The following HNMT variants were observed in gnomAD, a reference collection of about 807,000 sequenced individuals.
The protein encoded by HNMT is histamine N-methyltransferase.
Under a neutral mutation model 32.1 loss-of-function variants are expected in HNMT, and 30 were observed. That is an observed-to-expected ratio of 0.93 (90% confidence interval 0.70 to 1.27). The LOEUF (loss-of-function observed/expected upper bound fraction) is 1.27. Ranked by LOEUF, HNMT falls within the 50% of genes most tolerant of loss-of-function variation. The pLI, the probability that HNMT is intolerant of heterozygous loss-of-function variation, is 0.00. For synonymous variants in HNMT, 125 were observed against 119.0 expected (o/e 1.05, Z -0.33); for missense variants, 327 against 346.0 (o/e 0.95, Z 0.43).
chr2:137,964,779 G>A (rs1351975375), intron 1 of HNMT, 151 bp downstream of exon 1: 1 of 715,560 alleles, frequency 1.4e-6, no homozygotes, highest in Non-Finnish European at 2.4e-6. Flanking sequence ...TCGCTGCCCT[G>A]CCCTGCCTTT....
intron 1 of HNMT, among the ~76,000 whole-genome samples, chr2:137,965,928 A>G (rs1335316810): frequency 6.6e-6 from 1 of 152,236 alleles, no homozygotes; most frequent in Admixed American, 6.5e-5. Context: ...CTAACTGGAA[A>G]TATTATAAAA....
intron 2 of HNMT, chr2:137,988,547 C>T (rs940621764): frequency 1.6e-5 from 2 of 124,988 alleles, no homozygotes; most frequent in African/African-American, 6.0e-5. Flanking sequence ...ACTATTGACC[C>T]CCCTTTTTTT....
At position 138,014,163 on chromosome 2, in the gene HNMT, A is replaced by C. The variant is rs1681596082; in HGVS notation, c.*33A>C. The C allele has an allele frequency of 7.9e-7, 1 of 1,273,088 alleles. No individual in the cohort carries two copies. The highest frequency in any genetic ancestry group is 1.1e-6 in the Non-Finnish European group (1 of 910,262). The allele number at this position is 1,273,088 out of a possible 1,614,324, so 78.9% of individuals were successfully genotyped here. A position where few individuals can be genotyped will look rare whatever the true frequency, so the allele number is the denominator to read the frequency against. ...TCACAAAAGTATATTCAAAAATTAT[A>C]TTTTGAACAACTCGAATCACTCATT... On this transcript the variant is annotated 3_prime_UTR_variant, in exon 6 of 6. Coordinates refer to ENST00000280097, the MANE Select transcript of HNMT (RefSeq NM_006895.3).
chr2:137,977,820 G>A (rs1488734265), intron 2 of HNMT, among the ~76,000 whole-genome samples: 3 of 151,792 alleles, frequency 2.0e-5, no homozygotes, highest in Non-Finnish European at 4.4e-5. Context: ...CCTGCTGGTT[G>A]TTAAAAATAT....
At position 138,014,194 on chromosome 2, in the gene HNMT, C is replaced by A. The variant is rs1247161036; in HGVS notation, c.*64C>A. The stretch of plus-strand genomic sequence containing the variant: ...AACAACTCGAATCACTCATTTATTT[C>A]CATATTAAAATCACAAACTCATCCA... On this transcript the variant is annotated 3_prime_UTR_variant, in exon 6 of 6. Transcript: ENST00000280097. The A allele has an allele frequency of 1.9e-6, 2 of 1,066,950 alleles. No individual in the cohort carries two copies. Among genetic ancestry groups the A allele is most frequent in the Non-Finnish European group, 2.7e-6 (2 of 737,844 alleles). The allele number at this position is 1,066,950 out of a possible 1,614,324, so 66.1% of individuals were successfully genotyped here.
At chr2:137,978,382 T>C (rs191682570) in intron 2 of HNMT, among the ~76,000 whole-genome samples, 1 of 146,412 alleles carries the variant, frequency 6.8e-6, no homozygotes, top group East Asian at 2.0e-4. Flanking sequence ...CATATGATTA[T>C]ATAATATAGT....
intron 2 of HNMT, among the ~76,000 whole-genome samples, chr2:137,980,426 T>G (rs1030169119): frequency 6.6e-6 from 1 of 152,220 alleles, no homozygotes; most frequent in African/African-American, 2.4e-5. Context: ...GCCTATAGAT[T>G]CTCAGTGCCT....
At chr2:138,000,495 A>G (rs567552466) in intron 2 of HNMT, among the ~76,000 whole-genome samples, 1 of 151,384 alleles carries the variant, frequency 6.6e-6, no homozygotes, top group Non-Finnish European at 1.5e-5. Context: ...GGCCTAGCCT[A>G]CTCTGCCAGT....
intron 2 of HNMT, among the ~76,000 whole-genome samples, chr2:137,979,510 C>T (rs1167752451): frequency 6.6e-6 from 1 of 151,922 alleles, no homozygotes; most frequent in East Asian, 1.9e-4. Flanking sequence ...CCTTGGCCTC[C>T]CAAAGTGCTG....
intron 5 of HNMT, among the ~76,000 whole-genome samples, chr2:138,010,164 G>T (rs1258866740): frequency 6.6e-6 from 1 of 151,954 alleles, no homozygotes; most frequent in African/African-American, 2.4e-5. Context: ...GGTATATAGG[G>T]AGGCATATAG....
At chr2:137,966,654 C>T (rs1160674677) in intron 1 of HNMT, among the ~76,000 whole-genome samples, 1 of 152,050 alleles carries the variant, frequency 6.6e-6, no homozygotes, top group Non-Finnish European at 1.5e-5. Context: ...CTCCATGTAC[C>T]TATTACTATT....
At chr2:138,005,089 C>A in intron 4 of HNMT, 43 bp from the exon 5 acceptor site, 1 of 1,102,770 alleles carries the variant, frequency 9.1e-7, no homozygotes, top group Non-Finnish European at 1.4e-6. Context: ...ATAAAGACTT[C>A]AACATACAGA....
chr2:137,993,329 A>T (rs539948332), intron 2 of HNMT, among the ~76,000 whole-genome samples: 2 of 152,310 alleles, frequency 1.3e-5, no homozygotes, highest in East Asian at 3.9e-4. Flanking sequence ...GGAATTGCTA[A>T]CTAGAATAAC....
At chr2:137,982,987 C>T (rs1263948249) in intron 2 of HNMT, among the ~76,000 whole-genome samples, 2 of 152,156 alleles carry the variant, frequency 1.3e-5, no homozygotes, top group South Asian at 4.1e-4. Flanking sequence ...GTTTAAGATG[C>T]ATTTCATCAA....
chr2:137,964,598 T>C lies in HNMT; in HGVS notation c.107T>C (p.Met36Thr), dbSNP rs1298415425. ...GAACACCAGTGCATGCAGGAATTCA[T>C]GGACAAGAAGCTGCCAGGCATAATA... ...STEHQCMQEFMDKKLPGIIGR... is the reference protein window; with the variant it reads ...STEHQCMQEFTDKKLPGIIGR... Residue 36 changes from methionine to threonine, a missense_variant, in exon 1 of 6, where the codon ATG becomes ACG. Met to Thr is a moderately conservative substitution (Grantham distance 81, BLOSUM62 -1). Coordinates refer to ENST00000280097, the MANE Select transcript of HNMT (RefSeq NM_006895.3). The C allele has an allele frequency of 3.1e-6, 5 of 1,613,704 alleles. No individual in the cohort carries two copies. Among genetic ancestry groups the C allele is most frequent in the Non-Finnish European group, 4.2e-6 (5 of 1,179,810 alleles).
intron 2 of HNMT, among the ~76,000 whole-genome samples, chr2:137,979,054 A>C (rs1048062931): frequency 6.9e-6 from 1 of 144,044 alleles, no homozygotes; most frequent in Non-Finnish European, 1.5e-5. Flanking sequence ...AGTAAATTGT[A>C]TAATATATAG....
chr2:137,966,986 T>C (rs1679977370), intron 1 of HNMT: 1 of 727,344 alleles, frequency 1.4e-6, no homozygotes, highest in Non-Finnish European at 2.5e-6. Context: ...TGAGACTTTG[T>C]ATGTTTAAAA....
intron 2 of HNMT, among the ~76,000 whole-genome samples, chr2:137,977,502 G>C (rs1680322156): frequency 6.6e-6 from 1 of 151,740 alleles, no homozygotes; most frequent in Non-Finnish European, 1.5e-5. Context: ...CAATTCCTTG[G>C]GTCTCCTTCA....
At chr2:137,982,544 G>A (rs982727858) in intron 2 of HNMT, among the ~76,000 whole-genome samples, 1 of 152,144 alleles carries the variant, frequency 6.6e-6, no homozygotes, top group South Asian at 2.1e-4. Context: ...TTACAGAGAA[G>A]GAGATTTTTA....
Sources: allele counts gnomAD v4.1 joint callset (sites outside exome capture counted in the v4.1 genomes callset), GRCh38; gene constraint gnomAD v4.1.1; transcripts MANE v1.5; gene names NCBI Gene and HGNC (gene_info 2026-07-23, HGNC 2026-07-21).